EXOC4: variants seen among roughly 807,000 people sequenced by gnomAD.
EXOC4 encodes SEC8-like 1.
In EXOC4, 71 loss-of-function variants were observed where a neutral mutation model predicts 107.2. The ratio of observed to expected loss-of-function variants is 0.66; its 90% CI spans 0.55 to 0.81. The LOEUF (loss-of-function observed/expected upper bound fraction) is 0.81. Among genes scored for constraint, EXOC4 ranks in the 30% least tolerant of loss-of-function variants. EXOC4 has a pLI of 0.00. For synonymous variants in EXOC4, 456 were observed against 441.2 expected, an observed-to-expected ratio of 1.03 and a Z score of -0.42; for missense variants, 1,108 against 1,189.6, an observed-to-expected ratio of 0.93 and a Z score of 1.01.
intron 3 of EXOC4, among the ~76,000 whole-genome samples, chr7:133,289,434 A>T (rs919767196): frequency 1.3e-5 from 2 of 152,256 alleles, no homozygotes; most frequent in African/African-American, 4.8e-5. Context: ...CCCATTTTAA[A>T]CAATGAAATC....
chr7:133,824,350 A>G (rs1055777924), intron 11 of EXOC4, among the ~76,000 whole-genome samples: 2 of 151,412 alleles, frequency 1.3e-5, no homozygotes, highest in African/African-American at 4.8e-5. Context: ...CACATTTTCA[A>G]CCTGCGTCTT....
chr7:133,748,162 C>T (rs1795717319), intron 10 of EXOC4, among the ~76,000 whole-genome samples: 1 of 152,170 alleles, frequency 6.6e-6, no homozygotes, highest in Non-Finnish European at 1.5e-5. Flanking sequence ...GTATTGCCCC[C>T]AGATTTTTGT....
intron 10 of EXOC4, among the ~76,000 whole-genome samples, chr7:133,737,331 A>C (rs1585112832): frequency 6.8e-6 from 1 of 147,364 alleles, no homozygotes. Flanking sequence ...CATCTCCATC[A>C]CTCTTCTGCA....
chr7:133,545,354 T>A (rs1277727376), intron 9 of EXOC4, among the ~76,000 whole-genome samples: 1 of 152,148 alleles, frequency 6.6e-6, no homozygotes, highest in Non-Finnish European at 1.5e-5. Context: ...TAATACCTAT[T>A]TTAATGATTT....
chr7:133,727,835 C>A (rs185539220), intron 10 of EXOC4: 22 of 152,234 alleles, frequency 1.4e-4, no homozygotes, highest in Non-Finnish European at 2.5e-4. Flanking sequence ...CATTTTTATT[C>A]GTTTTTATAT....
chr7:134,091,427 C>G, the EXOC4 span, among the ~76,000 whole-genome samples: 2 of 152,130 alleles, frequency 1.3e-5, no homozygotes, highest in East Asian at 3.9e-4. Context: ...TCATGGCCAT[C>G]TTGGTTTTGG....
At chr7:134,046,469 T>TAA (rs1016675590) in intron 17 of EXOC4, among the ~76,000 whole-genome samples, 1 of 140,684 alleles carries the variant, frequency 7.1e-6, no homozygotes, top group Non-Finnish European at 1.5e-5. Flanking sequence ...GACTATGTCT[T>TAA]AAAAAAAAAA....
chr7:133,639,853 A>C (rs1394573935), intron 10 of EXOC4, among the ~76,000 whole-genome samples: 1 of 152,132 alleles, frequency 6.6e-6, no homozygotes, highest in Non-Finnish European at 1.5e-5. Flanking sequence ...AAAATACCAC[A>C]TTGTAAATAC....
intron 10 of EXOC4, among the ~76,000 whole-genome samples, chr7:133,807,233 A>G (rs1415030385): frequency 6.6e-6 from 1 of 152,160 alleles, no homozygotes; most frequent in Non-Finnish European, 1.5e-5. Flanking sequence ...TGTTACTGCC[A>G]TTTTTTCAGC....
At chr7:133,737,915 T>TTTTC (rs1554394681) in intron 10 of EXOC4, among the ~76,000 whole-genome samples, 1 of 135,910 alleles carries the variant, frequency 7.4e-6, no homozygotes, top group Non-Finnish European at 1.6e-5. Context: ...CTTTCTTTTT[T>TTTTC]TTTTTTTTTT....
chr7:133,433,136 C>T (rs1797892150), intron 7 of EXOC4, among the ~76,000 whole-genome samples: 1 of 152,116 alleles, frequency 6.6e-6, no homozygotes, highest in African/African-American at 2.4e-5. Flanking sequence ...CTTGTTATTC[C>T]ATAAGCGGTA....
At chr7:133,263,190 G>A (rs894695163) in intron 1 of EXOC4, among the ~76,000 whole-genome samples, 2 of 151,986 alleles carry the variant, frequency 1.3e-5, no homozygotes, top group Admixed American at 6.6e-5. Flanking sequence ...GGCATCTTGA[G>A]AACAGACTAA....
chr7:133,849,698 T>A (rs907168161), intron 11 of EXOC4, among the ~76,000 whole-genome samples: 1 of 152,206 alleles, frequency 6.6e-6, no homozygotes, highest in African/African-American at 2.4e-5. Flanking sequence ...TTTCCCTAAA[T>A]AATGAACTTC....
chr7:133,788,536 G>T (rs1029498775), intron 10 of EXOC4, among the ~76,000 whole-genome samples: 16 of 152,080 alleles, frequency 1.1e-4, no homozygotes, highest in East Asian at 7.8e-4. Context: ...TGTCACCCAG[G>T]CTGGAGAGTA....
chr7:133,903,474 C>T (rs558338156), intron 12 of EXOC4, among the ~76,000 whole-genome samples: 74 of 152,116 alleles, frequency 4.9e-4, no homozygotes, highest in African/African-American at 1.7e-3. Context: ...AGCTGAATTC[C>T]CTGCCAGATT....
At chr7:133,736,396 C>T (rs563198274) in intron 10 of EXOC4, among the ~76,000 whole-genome samples, 1 of 152,252 alleles carries the variant, frequency 6.6e-6, no homozygotes, top group South Asian at 2.1e-4. Context: ...CCTTTGTTTC[C>T]ATCCTGAAAA....
chr7:133,627,789 A>G (rs879890356), intron 9 of EXOC4, among the ~76,000 whole-genome samples: 7 of 152,168 alleles, frequency 4.6e-5, no homozygotes, highest in Non-Finnish European at 1.0e-4. Context: ...TTAAATGAGA[A>G]AAAACAGTCC....
intron 9 of EXOC4, among the ~76,000 whole-genome samples, chr7:133,609,760 A>T (rs141636339): frequency 2.6e-5 from 4 of 152,232 alleles, no homozygotes; most frequent in Non-Finnish European, 5.9e-5. Context: ...GCTGGAGCCA[A>T]TGGTGCACAT....
chr7:133,663,214 G>A (rs1028203735), intron 10 of EXOC4, among the ~76,000 whole-genome samples: 4 of 151,986 alleles, frequency 2.6e-5, no homozygotes, highest in Non-Finnish European at 5.9e-5. Flanking sequence ...GCCAGGATAC[G>A]CGCTCTTCTA....
Sources: allele counts gnomAD v4.1 joint callset (sites outside exome capture counted in the v4.1 genomes callset), GRCh38; gene constraint gnomAD v4.1.1; transcripts MANE v1.5; gene names NCBI Gene and HGNC (gene_info 2026-07-23, HGNC 2026-07-21).